Variants in KIAA1328 observed in about 807,000 individuals in gnomAD.
KIAA1328 encodes KIAA1328.
In KIAA1328, 52 loss-of-function variants were observed where a neutral mutation model predicts 68.1. The observed-to-expected ratio is 0.76, with a 90% CI of 0.61 to 0.96. The LOEUF is 0.96. Ranked by LOEUF, KIAA1328 falls within the 40% of genes least tolerant of loss-of-function variation. The pLI is 0.00. For missense variants in KIAA1328, 641 were observed against 677.6 expected (o/e 0.95, Z 0.60); for synonymous variants, 232 against 239.4 (o/e 0.97, Z 0.28).
Position 37,224,900 on chromosome 18 carries a change from C to T in KIAA1328, c.*2673C>T, listed in dbSNP as rs186099323. ...AAAAGGACACAGCATGTCCTTTGAA[C>T]TCCCTAAGTAAGGCCCACAGTTCTT... is the stretch of plus-strand genomic sequence containing the variant. On this transcript the variant is annotated 3_prime_UTR_variant, in exon 10 of 10. Transcript: ENST00000280020. 2.0e-3 allele frequency: 1,952 copies of T among 985,468 alleles called. 2 individuals are homozygous for T. Among genetic ancestry groups the T allele is most frequent in the Non-Finnish European group, 2.2e-3 (1,838 of 829,942 alleles). The allele number at this position is 985,468 out of a possible 1,614,324, so 61.0% of individuals were successfully genotyped here.
intron 6 of KIAA1328, among the ~76,000 whole-genome samples, chr18:36,961,032 A>G (rs530373056): frequency 3.6e-4 from 55 of 152,318 alleles, no homozygotes; most frequent in Non-Finnish European, 7.3e-4. Flanking sequence ...CTAAAGGAGC[A>G]TGTTCTAACC....
intron 7 of KIAA1328, among the ~76,000 whole-genome samples, chr18:37,135,961 G>A (rs961645380): frequency 6.6e-6 from 1 of 152,176 alleles, no homozygotes; most frequent in Non-Finnish European, 1.5e-5. Context: ...TCAGATGACA[G>A]TAGGTGTGTG....
intron 7 of KIAA1328, among the ~76,000 whole-genome samples, chr18:37,124,322 C>G (rs989114300): frequency 6.6e-6 from 1 of 152,032 alleles, no homozygotes; most frequent in South Asian, 2.1e-4. Context: ...TTAATTCCCT[C>G]CTTCCCTCAC....
intron 7 of KIAA1328, among the ~76,000 whole-genome samples, chr18:37,081,967 G>A (rs569821686): frequency 6.6e-6 from 1 of 152,094 alleles, no homozygotes; most frequent in Non-Finnish European, 1.5e-5. Context: ...ATGTTGTTCT[G>A]TAATTTAGTT....
intron 7 of KIAA1328, among the ~76,000 whole-genome samples, chr18:37,150,714 AT>A (rs2059009944): frequency 3.3e-5 from 5 of 152,178 alleles, no homozygotes; most frequent in African/African-American, 1.2e-4. Context: ...TATTAACATA[AT>A]AAAAAATATT....
At chr18:36,995,052 A>T (rs2053336116) in intron 6 of KIAA1328, among the ~76,000 whole-genome samples, 1 of 152,072 alleles carries the variant, frequency 6.6e-6, no homozygotes, top group Non-Finnish European at 1.5e-5. Context: ...GGCTAGCCGC[A>T]CCCATCAACC....
intron 7 of KIAA1328, among the ~76,000 whole-genome samples, chr18:37,154,154 AC>A (rs2154210466): frequency 6.6e-6 from 1 of 152,276 alleles, no homozygotes; most frequent in African/African-American, 2.4e-5. Flanking sequence ...CACCTATAGA[AC>A]TTTTTTAAAA....
intron 5 of KIAA1328, among the ~76,000 whole-genome samples, chr18:36,939,389 G>A (rs185920105): frequency 8.6e-5 from 13 of 151,392 alleles, no homozygotes; most frequent in Middle Eastern, 3.4e-3. Context: ...TTTCTTTTTC[G>A]GATAGTTTGT....
At chr18:37,142,682 T>C (rs2154208353) in intron 7 of KIAA1328, among the ~76,000 whole-genome samples, 1 of 152,314 alleles carries the variant, frequency 6.6e-6, no homozygotes, top group African/African-American at 2.4e-5. Context: ...GATCTGTATG[T>C]CCATTCTTAT....
At chr18:36,991,299 G>A (rs1007889401) in intron 6 of KIAA1328, among the ~76,000 whole-genome samples, 3 of 152,076 alleles carry the variant, frequency 2.0e-5, no homozygotes, top group African/African-American at 7.2e-5. Context: ...TTTCATTATA[G>A]TTGGCAGATT....
At chr18:36,948,706 C>T (rs966816291) in intron 5 of KIAA1328, among the ~76,000 whole-genome samples, 5 of 152,066 alleles carry the variant, frequency 3.3e-5, no homozygotes, top group African/African-American at 1.2e-4. Flanking sequence ...TGCGCCACCA[C>T]GCCCAGCTAA....
chr18:37,033,789 T>C (rs1282848875), intron 6 of KIAA1328, among the ~76,000 whole-genome samples: 1 of 152,268 alleles, frequency 6.6e-6, no homozygotes, highest in Non-Finnish European at 1.5e-5. Context: ...GCAAGACTTC[T>C]ATGCTGTGCT....
intron 6 of KIAA1328, among the ~76,000 whole-genome samples, chr18:36,989,795 T>C (rs2053098848): frequency 6.6e-6 from 1 of 152,102 alleles, no homozygotes; most frequent in South Asian, 2.1e-4. Flanking sequence ...CCCGGGTTCA[T>C]GCCGTTCTCC....
intron 9 of KIAA1328, among the ~76,000 whole-genome samples, chr18:37,177,882 T>A (rs1315477128): frequency 6.6e-6 from 1 of 152,138 alleles, no homozygotes; most frequent in Non-Finnish European, 1.5e-5. Flanking sequence ...TACATTGTGG[T>A]GTTCCAATAC....
chr18:37,175,460 C>A (rs1450017171), intron 9 of KIAA1328, among the ~76,000 whole-genome samples: 1 of 152,056 alleles, frequency 6.6e-6, no homozygotes, highest in African/African-American at 2.4e-5. Context: ...TACTGCAGAT[C>A]AGCTAAATAT....
intron 8 of KIAA1328, among the ~76,000 whole-genome samples, chr18:37,162,001 A>G (rs1313739713): frequency 6.6e-6 from 1 of 152,206 alleles, no homozygotes; most frequent in African/African-American, 2.4e-5. Context: ...AAAAAAAATC[A>G]ATTTCTAATT....
chr18:37,024,534 C>G (rs542990875), intron 6 of KIAA1328, among the ~76,000 whole-genome samples: 1 of 140,724 alleles, frequency 7.1e-6, no homozygotes, highest in Non-Finnish European at 1.5e-5. Context: ...CCCCTCCCCC[C>G]ACCCCACAAC....
intron 4 of KIAA1328, among the ~76,000 whole-genome samples, chr18:36,874,063 A>T (rs1329925339): frequency 6.6e-6 from 1 of 152,214 alleles, no homozygotes; most frequent in Non-Finnish European, 1.5e-5. Flanking sequence ...TATATGTGCC[A>T]TATTTTCTTT....
chr18:37,105,071 A>G (rs2057732406), intron 7 of KIAA1328, among the ~76,000 whole-genome samples: 1 of 152,258 alleles, frequency 6.6e-6, no homozygotes, highest in Admixed American at 6.5e-5. Context: ...GGGCAAAAAG[A>G]GAAAATTCTT....
Sources: gnomAD v4.1 joint callset for allele counts (sites outside exome capture counted in the v4.1 genomes callset) on GRCh38, gnomAD v4.1.1 for gene constraint, MANE v1.5 for transcripts, NCBI Gene and HGNC (gene_info 2026-07-23, HGNC 2026-07-21) for gene names.